BLTP1: variants seen among roughly 807,000 people sequenced by gnomAD.
BLTP1 encodes the protein bridge-like lipid transfer protein family member 1.
At chr4:122,207,848 T>C in the BLTP1 span, 1 of 976,074 alleles carries the variant, frequency 1.0e-6, no homozygotes, top group African/African-American at 1.7e-5. Context: ...ATTAAAAATA[T>C]CTCAAGTTGA....
the BLTP1 span, chr4:122,277,116 T>G: frequency 1.0e-6 from 1 of 969,580 alleles, no homozygotes; most frequent in East Asian, 1.1e-4. Context: ...GTGGGAGGAT[T>G]GCTTGAGGCC....
the BLTP1 span, chr4:122,209,007 TAAA>T: frequency 1.6e-6 from 1 of 608,724 alleles, no homozygotes; most frequent in Non-Finnish European, 2.1e-6. Context: ...AAAAAAAAGA[TAAA>T]TAATACAATA....
the BLTP1 span, chr4:122,243,199 C>T: frequency 2.0e-6 from 2 of 978,894 alleles, no homozygotes; most frequent in South Asian, 4.3e-5. Flanking sequence ...AATAATTCAG[C>T]TCTTTTCTCT....
chr4:122,187,921 C>T, the BLTP1 span: 1 of 1,583,222 alleles, frequency 6.3e-7, no homozygotes, highest in East Asian at 2.3e-5. Context: ...GAAATCACTA[C>T]CAGCCGCAAA....
At chr4:122,294,168 C>T in the BLTP1 span, among the ~76,000 whole-genome samples, 1 of 152,302 alleles carries the variant, frequency 6.6e-6, no homozygotes, top group South Asian at 2.1e-4. Flanking sequence ...GCTGACTTAG[C>T]CTTTTCAGCC....
chr4:122,280,217 T>G, the BLTP1 span: 1 of 983,286 alleles, frequency 1.0e-6, no homozygotes. Flanking sequence ...TAAACAAAGC[T>G]TAAGAGATCC....
At chr4:122,200,601 AAT>A in the BLTP1 span, 1 of 984,634 alleles carries the variant, frequency 1.0e-6, no homozygotes, top group Non-Finnish European at 1.2e-6. Context: ...AAAAAAAAAA[AAT>A]GCCAAACTGC....
chr4:122,185,517 A>G, the BLTP1 span: 20 of 778,958 alleles, frequency 2.6e-5, no homozygotes, highest in Non-Finnish European at 3.0e-5. Context: ...TAATGTAATT[A>G]TGTCTTTTAT....
the BLTP1 span, chr4:122,316,535 A>C: frequency 9.6e-6 from 6 of 626,580 alleles, no homozygotes; most frequent in South Asian, 1.5e-5. Flanking sequence ...TGCAGAGCAC[A>C]CTCATGGGGA....
At chr4:122,292,034 G>T in the BLTP1 span, among the ~76,000 whole-genome samples, 2 of 146,570 alleles carry the variant, frequency 1.4e-5, no homozygotes, top group Non-Finnish European at 3.0e-5. Context: ...GCAATGGCGC[G>T]ATCTCAGCTC....
chr4:122,189,556 C>T, the BLTP1 span: 1 of 778,146 alleles, frequency 1.3e-6, no homozygotes, highest in Non-Finnish European at 1.6e-6. Context: ...TAAAATGATA[C>T]TTATTAGTTA....
the BLTP1 span, chr4:122,261,213 T>C: frequency 1.3e-6 from 1 of 753,016 alleles, no homozygotes; most frequent in Middle Eastern, 6.8e-4. Flanking sequence ...ATTGAGCTTA[T>C]TGTTTCCACA....
chr4:122,359,051 G>T, the BLTP1 span, among the ~76,000 whole-genome samples: 2 of 151,060 alleles, frequency 1.3e-5, no homozygotes, highest in Non-Finnish European at 2.9e-5. Context: ...GAATGGTATG[G>T]TGTGTGAATT....
chr4:122,299,099 G>A, the BLTP1 span: 2 of 961,880 alleles, frequency 2.1e-6, no homozygotes, highest in Non-Finnish European at 2.5e-6. Context: ...TTTAATTAGG[G>A]AAATTGCTGT....
At chr4:122,286,845 G>A in the BLTP1 span, 1 of 1,396,368 alleles carries the variant, frequency 7.2e-7, no homozygotes, top group Non-Finnish European at 9.9e-7. Context: ...AGATTTATAT[G>A]TACCAAAATA....
At chr4:122,167,221 A>G in the BLTP1 span, among the ~76,000 whole-genome samples, 1 of 152,178 alleles carries the variant, frequency 6.6e-6, no homozygotes, top group Non-Finnish European at 1.5e-5. Flanking sequence ...ATTGAAAACC[A>G]TAGCTCCAGT....
the BLTP1 span, chr4:122,219,268 T>G: frequency 1.3e-6 from 2 of 1,556,024 alleles, no homozygotes; most frequent in Non-Finnish European, 1.7e-6. Context: ...AATTTACAAA[T>G]TTAGGCTCAT....
At chr4:122,281,966 C>T in the BLTP1 span, 1 of 984,550 alleles carries the variant, frequency 1.0e-6, no homozygotes, top group African/African-American at 1.7e-5. Context: ...CTTGAATGAC[C>T]AGAATGAACT....
At chr4:122,218,965 C>T in the BLTP1 span, among the ~76,000 whole-genome samples, 1 of 152,296 alleles carries the variant, frequency 6.6e-6, no homozygotes, top group East Asian at 1.9e-4. Context: ...TGAATTGCTT[C>T]CCCCAAAGGA....
Sources: allele counts gnomAD v4.1 joint callset (sites outside exome capture counted in the v4.1 genomes callset), GRCh38; gene constraint gnomAD v4.1.1; transcripts MANE v1.5; gene names NCBI Gene and HGNC (gene_info 2026-07-23, HGNC 2026-07-21).